The following SPAG16 variants were observed in gnomAD, a reference collection of about 807,000 sequenced individuals.
SPAG16 encodes the protein sperm-associated antigen 16 protein.
SPAG16 carries 86 observed loss-of-function variants against 80.4 expected under a neutral mutation model. That is an observed-to-expected ratio of 1.07 (90% CI 0.90 to 1.28). The LOEUF is 1.28. SPAG16 is among the 50% of genes most tolerant of loss of function. SPAG16 has a pLI of 0.00. For synonymous variants in SPAG16, 294 were observed against 265.9 expected (o/e 1.11, Z -1.03); for missense variants, 870 against 765.3 (o/e 1.14, Z -1.61).
chr2:213,964,785 C>G (rs2044623085), intron 12 of SPAG16, among the ~76,000 whole-genome samples: 1 of 152,200 alleles, frequency 6.6e-6, no homozygotes, highest in Non-Finnish European at 1.5e-5. Context: ...TTAATATTTT[C>G]ACTCTAATTA....
At chr2:214,132,575 G>A (rs140646206) in intron 14 of SPAG16, among the ~76,000 whole-genome samples, 4 of 152,264 alleles carry the variant, frequency 2.6e-5, no homozygotes, top group African/African-American at 9.6e-5. Flanking sequence ...TCACTTAGAG[G>A]ACTTTAGAAG....
intron 10 of SPAG16, among the ~76,000 whole-genome samples, chr2:213,735,238 G>C (rs1342447902): frequency 1.3e-5 from 2 of 152,074 alleles, no homozygotes; most frequent in Non-Finnish European, 2.9e-5. Context: ...CATTATTTAG[G>C]TTAGTATTCT....
chr2:213,544,974 A>G (rs968654404), intron 10 of SPAG16, among the ~76,000 whole-genome samples: 4 of 152,136 alleles, frequency 2.6e-5, no homozygotes, highest in African/African-American at 9.6e-5. Flanking sequence ...GAAAGCTGCT[A>G]TAAACATCCG....
rs149777808 is a variant in SPAG16 at position 213,599,403 on chromosome 2, C to T, written c.1070+109313C>T. ...CCACTTATACTTGGACCTTCTTCCA[C>T]CTCTGCCAGCCCTGGGACAACATGG... On this transcript the variant is annotated intron_variant, in intron 10 of 15. Coordinates refer to ENST00000331683, the MANE Select transcript of SPAG16 (RefSeq NM_024532.5). Among the ~76,000 whole-genome samples, 479 of 152,316 alleles carry T rather than the reference C, an allele frequency of 3.1e-3. 3 individuals are homozygous for T. Among genetic ancestry groups the T allele is most frequent in the African/African-American group, 0.011 (446 of 41,572 alleles).
intron 15 of SPAG16, among the ~76,000 whole-genome samples, chr2:214,338,980 A>T (rs980281424): frequency 2.0e-5 from 3 of 152,158 alleles, no homozygotes; most frequent in African/African-American, 7.2e-5. Context: ...TTCATTTTTG[A>T]TATTTATAAA....
At chr2:213,823,640 G>GT (rs1173323544) in intron 10 of SPAG16, among the ~76,000 whole-genome samples, 1 of 152,148 alleles carries the variant, frequency 6.6e-6, no homozygotes, top group African/African-American at 2.4e-5. Flanking sequence ...GATTACAGGT[G>GT]TGAGTCACCA....
intron 15 of SPAG16, among the ~76,000 whole-genome samples, chr2:214,341,559 T>C (rs1186780076): frequency 6.6e-6 from 1 of 152,170 alleles, no homozygotes; most frequent in Non-Finnish European, 1.5e-5. Context: ...TGCAAAGGAA[T>C]GTGAATCAGA....
intron 13 of SPAG16, among the ~76,000 whole-genome samples, chr2:214,100,361 T>C (rs2052922377): frequency 6.6e-6 from 1 of 152,114 alleles, no homozygotes; most frequent in South Asian, 2.1e-4. Flanking sequence ...TTTTTTTGTT[T>C]TCTCTGACAT....
chr2:213,854,154 A>G (rs1288666479), intron 10 of SPAG16, among the ~76,000 whole-genome samples: 2 of 152,228 alleles, frequency 1.3e-5, no homozygotes, highest in Admixed American at 6.5e-5. Context: ...AACATCATAT[A>G]AAACACAGTA....
intron 15 of SPAG16, among the ~76,000 whole-genome samples, chr2:214,236,669 C>A (rs1040410077): frequency 2.0e-5 from 3 of 151,650 alleles, no homozygotes; most frequent in Admixed American, 1.3e-4. Context: ...AAAAAAGATA[C>A]AATTTTGAAT....
At chr2:213,318,826 A>C (rs1024628034) in intron 5 of SPAG16, among the ~76,000 whole-genome samples, 1 of 151,850 alleles carries the variant, frequency 6.6e-6, no homozygotes, top group Admixed American at 6.6e-5. Flanking sequence ...TTCATTCAAG[A>C]GTACATTATT....
chr2:213,718,925 G>A (rs1208448695), intron 10 of SPAG16, among the ~76,000 whole-genome samples: 20 of 152,230 alleles, frequency 1.3e-4, no homozygotes, highest in Admixed American at 3.9e-4. Flanking sequence ...CCCTGGTGCG[G>A]GATCCACTAG....
intron 10 of SPAG16, among the ~76,000 whole-genome samples, chr2:213,544,031 C>G (rs1447241327): frequency 2.0e-5 from 3 of 151,894 alleles, no homozygotes; most frequent in East Asian, 1.9e-4. Context: ...CTTTGAGTAG[C>G]TTCCCATATT....
At chr2:213,562,933 GCTCTGCC>G in intron 10 of SPAG16, among the ~76,000 whole-genome samples, 1 of 152,276 alleles carries the variant, frequency 6.6e-6, no homozygotes, top group East Asian at 1.9e-4. Context: ...ATTCATGAGG[GCTCTGCC>G]CTCATCTAAA....
chr2:213,392,631 G>C (rs2125301361), intron 9 of SPAG16, among the ~76,000 whole-genome samples: 1 of 152,240 alleles, frequency 6.6e-6, no homozygotes, highest in African/African-American at 2.4e-5. Flanking sequence ...TGGATCACAA[G>C]GTCAGGAGTT....
chr2:214,340,654 A>G (rs1009445590), intron 15 of SPAG16, among the ~76,000 whole-genome samples: 2 of 152,136 alleles, frequency 1.3e-5, no homozygotes, highest in Admixed American at 6.5e-5. Context: ...GCAGCTTCAG[A>G]TAACACATAT....
At chr2:214,038,573 G>C (rs1193109198) in intron 13 of SPAG16, among the ~76,000 whole-genome samples, 1 of 151,580 alleles carries the variant, frequency 6.6e-6, no homozygotes, top group African/African-American at 2.4e-5. Context: ...TTAAGTTTTA[G>C]GGTACATGTG....
intron 9 of SPAG16, among the ~76,000 whole-genome samples, chr2:213,481,611 C>T (rs1267257222): frequency 1.3e-5 from 2 of 152,178 alleles, no homozygotes; most frequent in Non-Finnish European, 2.9e-5. Context: ...TCTGTTTAAG[C>T]TCCTGGGGAT....
At chr2:214,177,931 A>G (rs1394496801) in intron 15 of SPAG16, among the ~76,000 whole-genome samples, 1 of 135,062 alleles carries the variant, frequency 7.4e-6, no homozygotes, top group Non-Finnish European at 1.6e-5. Context: ...ATATATATAT[A>G]TATGGCCAGA....
Sources: gnomAD v4.1 joint callset for allele counts (sites outside exome capture counted in the v4.1 genomes callset) on GRCh38, gnomAD v4.1.1 for gene constraint, MANE v1.5 for transcripts, NCBI Gene and HGNC (gene_info 2026-07-23, HGNC 2026-07-21) for gene names.